The following ERC1 variants were observed in gnomAD, a reference collection of about 807,000 sequenced individuals.
ERC1 encodes ELKS/RAB6-interacting/CAST family member 1, also known as RAB6 interacting protein 2.
Under a neutral mutation model 132.0 loss-of-function variants are expected in ERC1, and 56 were observed. That is an observed-to-expected ratio of 0.42 (90% CI 0.34 to 0.53). The LOEUF is 0.53. Among genes scored for constraint, ERC1 ranks in the 20% least tolerant of loss-of-function variants. The probability of loss-of-function intolerance (pLI) is 0.03; values close to 1 mark genes in which losing one functional copy is unlikely to be tolerated. For synonymous variants in ERC1, 478 were observed against 476.1 expected (o/e 1.00, Z -0.05); for missense variants, 1,202 against 1,349.9 (o/e 0.89, Z 1.72).
chr12:1,337,187 C>T (rs956479496), intron 15 of ERC1, among the ~76,000 whole-genome samples: 10 of 152,236 alleles, frequency 6.6e-5, no homozygotes, highest in African/African-American at 2.4e-4. Flanking sequence ...GTCTAAGTCT[C>T]TCTGAAGGTC....
At chr12:1,179,728 T>C (rs61024161) in intron 8 of ERC1, among the ~76,000 whole-genome samples, 59,683 of 149,400 alleles carry the variant, frequency 0.4, 12,855 homozygotes, top group African/African-American at 0.66. Context: ...GGGATGGTCT[T>C]GATCTCCTGA....
chr12:1,278,471 G>C (rs2078437529), intron 14 of ERC1, among the ~76,000 whole-genome samples: 1 of 151,728 alleles, frequency 6.6e-6, no homozygotes. Context: ...TCATAGTATT[G>C]TTGTAGCCAC....
Position 1,190,029 on chromosome 12 carries a change from T to A in ERC1, c.2328T>A (p.Asp776Glu). 1 of 1,613,800 alleles carries A rather than the reference T, an allele frequency of 6.2e-7. No homozygotes were observed. The highest frequency in any genetic ancestry group is 8.5e-7 in the Non-Finnish European group (1 of 1,179,850). ...KEVENEKNDKDKKIAELERQV... is the reference protein window; with the variant it reads ...KEVENEKNDKEKKIAELERQV... ...TGGAAAATGAGAAGAATGACAAAGA[T>A]AAGAAGATAGCTGAGTTGGAAAGGT... The change falls in exon 12 of 19, where the codon GAT (aspartate) becomes GAA (glutamate). Residue 776 changes from aspartate (D) to glutamate (E), a missense_variant. Asp to Glu is a conservative substitution (Grantham distance 45, BLOSUM62 2). Coordinates refer to ENST00000360905, the MANE Select transcript of ERC1 (RefSeq NM_178040.4).
intron 12 of ERC1, among the ~76,000 whole-genome samples, chr12:1,226,050 A>G (rs1004612861): frequency 3.3e-5 from 5 of 152,244 alleles, no homozygotes; most frequent in African/African-American, 1.2e-4. Flanking sequence ...GAGAAATAAA[A>G]AATTATAGAG....
chr12:1,480,859 A>G (rs982315909), intron 18 of ERC1: 6 of 702,354 alleles, frequency 8.5e-6, no homozygotes, highest in Admixed American at 2.0e-5. Context: ...TTGCATCCCA[A>G]AGCCATGGAA....
chr12:990,305 G>A (rs999530276), upstream of ERC1: 1 of 151,848 alleles, frequency 6.6e-6, no homozygotes, highest in Non-Finnish European at 1.5e-5. Flanking sequence ...TTTAGAGATA[G>A]CTTATCTACA....
chr12:1,051,124 C>T (rs1971880134), intron 2 of ERC1, among the ~76,000 whole-genome samples: 1 of 152,118 alleles, frequency 6.6e-6, no homozygotes, highest in Admixed American at 6.5e-5. Context: ...GAACTAGAGA[C>T]AAAAAGTTTC....
chr12:1,369,275 A>G (rs2086950823), intron 15 of ERC1, among the ~76,000 whole-genome samples: 1 of 152,240 alleles, frequency 6.6e-6, no homozygotes, highest in African/African-American at 2.4e-5. Flanking sequence ...GTACCACACT[A>G]GCTGTCCAAG....
At chr12:1,259,815 G>A (rs549860526) in intron 13 of ERC1, among the ~76,000 whole-genome samples, 3 of 152,100 alleles carry the variant, frequency 2.0e-5, no homozygotes, top group Admixed American at 6.6e-5. Context: ...GAGCCACCAC[G>A]CCCTGCTTTC....
intron 7 of ERC1, among the ~76,000 whole-genome samples, chr12:1,128,588 A>AT (rs1249367756): frequency 6.6e-6 from 1 of 152,104 alleles, no homozygotes; most frequent in African/African-American, 2.4e-5. Context: ...CACTTGCTGT[A>AT]TGAGTGTATA....
chr12:1,175,806 A>T (rs1404456985), intron 8 of ERC1, among the ~76,000 whole-genome samples: 2 of 152,152 alleles, frequency 1.3e-5, no homozygotes, highest in Non-Finnish European at 2.9e-5. Flanking sequence ...AAGTGCTGCG[A>T]TTACAGGTGT....
At chr12:1,354,656 C>A (rs1358483755) in intron 15 of ERC1, among the ~76,000 whole-genome samples, 1 of 152,152 alleles carries the variant, frequency 6.6e-6, no homozygotes, top group African/African-American at 2.4e-5. Context: ...TTATCCTTTT[C>A]TTGGGTCAGG....
At chr12:1,480,345 A>G (rs1353339913) in intron 18 of ERC1, among the ~76,000 whole-genome samples, 1 of 152,210 alleles carries the variant, frequency 6.6e-6, no homozygotes, top group East Asian at 1.9e-4. Context: ...GCACACGCAC[A>G]GAAGATGGCA....
chr12:1,190,581 TG>T (rs1223619082), intron 12 of ERC1, among the ~76,000 whole-genome samples: 1 of 152,206 alleles, frequency 6.6e-6, no homozygotes. Context: ...GCCACGGATA[TG>T]TTTTTTTATG....
chr12:1,107,287 T>A (rs1023513613), intron 4 of ERC1, among the ~76,000 whole-genome samples: 5 of 152,048 alleles, frequency 3.3e-5, no homozygotes, highest in Non-Finnish European at 7.4e-5. Flanking sequence ...GGGTTAGAGT[T>A]TTGCTGGGAT....
At chr12:1,353,246 G>A (rs555032883) in intron 15 of ERC1, among the ~76,000 whole-genome samples, 1 of 152,092 alleles carries the variant, frequency 6.6e-6, no homozygotes, top group East Asian at 1.9e-4. Flanking sequence ...TAGCCAGGAT[G>A]GTCTCGATCT....
At chr12:1,378,351 G>C (rs931643820) in intron 16 of ERC1, among the ~76,000 whole-genome samples, 1 of 152,174 alleles carries the variant, frequency 6.6e-6, no homozygotes, top group African/African-American at 2.4e-5. Flanking sequence ...CAGTATACAT[G>C]AGTTGTTTTT....
chr12:1,012,689 C>T (rs1039000402), intron 1 of ERC1, among the ~76,000 whole-genome samples: 6 of 151,974 alleles, frequency 3.9e-5, no homozygotes, highest in South Asian at 2.1e-4. Flanking sequence ...CTCCTGACCT[C>T]GTGGTCTGCC....
chr12:1,025,876 G>A (rs1371386155), intron 1 of ERC1, among the ~76,000 whole-genome samples: 3 of 144,936 alleles, frequency 2.1e-5, no homozygotes, highest in Non-Finnish European at 4.4e-5. Flanking sequence ...TCGGCTCACT[G>A]CAATGTCTGC....
Sources: gnomAD v4.1 joint callset for allele counts (sites outside exome capture counted in the v4.1 genomes callset) on GRCh38, gnomAD v4.1.1 for gene constraint, MANE v1.5 for transcripts, NCBI Gene and HGNC (gene_info 2026-07-23, HGNC 2026-07-21) for gene names.